Variants in LRTM3 observed in about 807,000 individuals in gnomAD.
LRTM3 encodes leucine-rich repeat transmembrane protein 3.
chr13:102,729,425 T>C, the LRTM3 span: 1 of 1,430,564 alleles, frequency 7.0e-7, no homozygotes, highest in Non-Finnish European at 9.2e-7. Flanking sequence ...AGCTGTCCAC[T>C]TCAGAGGAGT....
chr13:102,738,897 T>G, the LRTM3 span: 1 of 1,550,656 alleles, frequency 6.4e-7, no homozygotes, highest in Admixed American at 2.0e-5. Flanking sequence ...GCTATTCTTT[T>G]GGAATGCATG....
chr13:102,745,501 T>G, the LRTM3 span: 1 of 1,550,916 alleles, frequency 6.4e-7, no homozygotes, highest in Non-Finnish European at 8.7e-7. Context: ...TCAGTTCTTT[T>G]CTACGTTTCG....
At chr13:102,757,150 C>T in the LRTM3 span, among the ~76,000 whole-genome samples, 1 of 152,174 alleles carries the variant, frequency 6.6e-6, no homozygotes. Context: ...CATGCTGTAG[C>T]TTGTGCTGGC....
At chr13:102,745,572 T>A in the LRTM3 span, 1 of 1,551,070 alleles carries the variant, frequency 6.4e-7, no homozygotes, top group East Asian at 2.4e-5. Context: ...GCCTTTATAA[T>A]TCCACATTTG....
At chr13:102,756,341 G>GT in the LRTM3 span, among the ~76,000 whole-genome samples, 45,110 of 149,006 alleles carry the variant, frequency 0.3, 7,054 homozygotes, top group South Asian at 0.37. Context: ...GGTATAGTGA[G>GT]TTAAGTCATT....
chr13:102,744,724 T>G, the LRTM3 span: 1 of 1,550,798 alleles, frequency 6.4e-7, no homozygotes, highest in Non-Finnish European at 8.7e-7. Context: ...TTAACATTTT[T>G]TGAATATTTT....
chr13:102,758,247 G>A, the LRTM3 span, among the ~76,000 whole-genome samples: 1 of 152,120 alleles, frequency 6.6e-6, no homozygotes, highest in Non-Finnish European at 1.5e-5. Context: ...CCTTAACACA[G>A]CTTGGAGCAT....
the LRTM3 span, among the ~76,000 whole-genome samples, chr13:102,755,951 ATATATATATAT>A: frequency 1.6e-5 from 1 of 61,412 alleles, no homozygotes; most frequent in Non-Finnish European, 3.7e-5. Context: ...ACATATATAT[ATATATATATAT>A]TTTTTTTTTT....
the LRTM3 span, chr13:102,742,505 G>T: frequency 9.0e-6 from 14 of 1,550,316 alleles, 1 homozygote; most frequent in Middle Eastern, 1.7e-4. Context: ...AATTTGAAGT[G>T]GATGTATCTT....
the LRTM3 span, chr13:102,741,154 T>C: frequency 6.5e-7 from 1 of 1,549,122 alleles, no homozygotes; most frequent in East Asian, 2.4e-5. Flanking sequence ...AATAATTACT[T>C]AGATGCTTCA....
the LRTM3 span, chr13:102,735,771 G>A: frequency 6.5e-7 from 1 of 1,544,676 alleles, no homozygotes; most frequent in African/African-American, 1.4e-5. Flanking sequence ...TGAATCTTTA[G>A]TGGTGGAAAA....
At chr13:102,736,422 C>A in the LRTM3 span, 2 of 1,551,086 alleles carry the variant, frequency 1.3e-6, no homozygotes, top group South Asian at 2.4e-5. Flanking sequence ...TGTACTCTGT[C>A]TTCTTTCTGT....
chr13:102,750,666 C>G, the LRTM3 span, among the ~76,000 whole-genome samples: 7 of 152,102 alleles, frequency 4.6e-5, no homozygotes, highest in African/African-American at 1.7e-4. Context: ...GTCAAAGTTG[C>G]TGGATTAAGA....
the LRTM3 span, chr13:102,758,635 T>A: frequency 6.6e-7 from 1 of 1,517,180 alleles, no homozygotes; most frequent in Non-Finnish European, 8.9e-7. Flanking sequence ...ATTCAAAAAT[T>A]TTACAAATTA....
chr13:102,731,219 C>T, the LRTM3 span: 1 of 1,551,382 alleles, frequency 6.4e-7, no homozygotes, highest in Middle Eastern at 1.7e-4. Flanking sequence ...CTTCATATTG[C>T]TGGCAAGAGG....
the LRTM3 span, chr13:102,749,580 C>A: frequency 6.4e-7 from 1 of 1,551,400 alleles, no homozygotes; most frequent in Admixed American, 2.0e-5. Context: ...ATTGATGGAA[C>A]TTCAACAAAA....
the LRTM3 span, chr13:102,737,070 T>A: frequency 1.1e-5 from 17 of 1,551,102 alleles, 1 homozygote; most frequent in East Asian, 4.2e-4. Context: ...ACTTCTCTAG[T>A]TTTTGAGCCA....
the LRTM3 span, chr13:102,730,708 A>C: frequency 6.4e-7 from 1 of 1,551,946 alleles, no homozygotes; most frequent in East Asian, 2.4e-5. Context: ...TGGAAAGACT[A>C]CCACTTTGTC....
the LRTM3 span, chr13:102,741,067 T>C: frequency 6.5e-7 from 1 of 1,550,084 alleles, no homozygotes; most frequent in Admixed American, 2.0e-5. Flanking sequence ...CTGAGCCTTC[T>C]TTCTTGGGAT....
Sources: allele counts gnomAD v4.1 joint callset (sites outside exome capture counted in the v4.1 genomes callset), GRCh38; gene constraint gnomAD v4.1.1; transcripts MANE v1.5; gene names NCBI Gene and HGNC (gene_info 2026-07-23, HGNC 2026-07-21).